MRPL42: variants seen among roughly 807,000 people sequenced by gnomAD.
The protein encoded by MRPL42 is mitochondrial ribosomal protein L42.
MRPL42 carries 17 observed loss-of-function variants against 17.9 expected under a neutral mutation model. That is an observed-to-expected ratio of 0.95 (90% CI 0.65 to 1.42). The LOEUF (loss-of-function observed/expected upper bound fraction) is 1.42. MRPL42 is among the 40% of genes most tolerant of loss of function. The probability of loss-of-function intolerance (pLI) is 0.00; values close to 1 mark genes in which losing one functional copy is unlikely to be tolerated. For missense variants in MRPL42, 177 were observed against 175.2 expected, an observed-to-expected ratio of 1.01 and a Z score of -0.06; for synonymous variants, 59 against 54.4, an observed-to-expected ratio of 1.08 and a Z score of -0.37.
chr12:93,474,776 G>T (rs1172230641), intron 2 of MRPL42, among the ~76,000 whole-genome samples: 1 of 152,008 alleles, frequency 6.6e-6, no homozygotes, highest in East Asian at 1.9e-4. Context: ...AATTAGGAAG[G>T]TCCCAGTGAT....
chr12:93,499,819 CA>C (rs1953558031), intron 5 of MRPL42, among the ~76,000 whole-genome samples: 1 of 151,860 alleles, frequency 6.6e-6, no homozygotes, highest in South Asian at 2.1e-4. Flanking sequence ...AAACCTGAAG[CA>C]AAAAAATGCT....
At chr12:93,487,253 CA>C (rs1360982428) in intron 4 of MRPL42, among the ~76,000 whole-genome samples, 1 of 152,162 alleles carries the variant, frequency 6.6e-6, no homozygotes, top group Non-Finnish European at 1.5e-5. Flanking sequence ...ATGAGCCACT[CA>C]CTGCACCTGG....
intron 5 of MRPL42, chr12:93,487,971 CTTTTT>C (rs35810496): frequency 3.3e-5 from 6 of 179,440 alleles, no homozygotes; most frequent in Non-Finnish European, 4.4e-5. Flanking sequence ...TAATTTTGTT[CTTTTT>C]TTTTTTTTTT....
chr12:93,483,582 A>G (rs532353768), intron 4 of MRPL42, among the ~76,000 whole-genome samples: 1 of 152,356 alleles, frequency 6.6e-6, no homozygotes, highest in African/African-American at 2.4e-5. Flanking sequence ...ATATACCTGT[A>G]TAGGGTACTT....
At chr12:93,476,907 T>C (rs1880207987) in intron 2 of MRPL42, 47 bp from the exon 3 acceptor site, 2 of 1,504,504 alleles carry the variant, frequency 1.3e-6, no homozygotes, top group Non-Finnish European at 1.8e-6. Context: ...ATGGAGAAAA[T>C]ATGCTCAAAT....
chr12:93,470,578 T>C lies in MRPL42; in HGVS notation c.70+1223T>C, dbSNP rs778142318. Reference sequence around the variant, plus strand: ...GAACCCGTCACCCAAATAGTGAACATAGTACCCAATAGGTAGTTTTTCAAC... The same window carrying C: ...GAACCCGTCACCCAAATAGTGAACACAGTACCCAATAGGTAGTTTTTCAAC... On this transcript the variant is annotated intron_variant, in intron 2 of 5. Transcript: ENST00000549982. 40 of 1,253,136 alleles carry C rather than the reference T, an allele frequency of 3.2e-5. No homozygotes were observed. In the African/African-American group the frequency reaches 4.8e-4, roughly 15 times the overall value. The allele number at this position is 1,253,136 out of a possible 1,614,324, so 77.6% of individuals were successfully genotyped here.
Position 93,485,005 on chromosome 12 carries a change from T to C in MRPL42, c.220-2492T>C, listed in dbSNP as rs35724198. On this transcript the variant is annotated intron_variant, in intron 4 of 5. Transcript: ENST00000549982. ...ATATATATATATATATATATATATA[T>C]ATATATATATATATATATATATAAA... Among the ~76,000 whole-genome samples, 303 of 49,488 alleles carry C rather than the reference T, an allele frequency of 6.1e-3. 12 individuals carry two copies. Among genetic ancestry groups the C allele is most frequent in the African/African-American group, 0.012 (123 of 10,284 alleles). The allele number at this position is 49,488 out of a possible 152,430, so 32.5% of individuals were successfully genotyped here.
chr12:93,478,596 A>G (rs535423283), intron 3 of MRPL42, among the ~76,000 whole-genome samples: 1 of 152,270 alleles, frequency 6.6e-6, no homozygotes, highest in South Asian at 2.1e-4. Context: ...ATAGCGATGA[A>G]ATTGGAATAG....
In MRPL42 at chr12:93,511,374, C is replaced by T. The variant is rs1054446681; in HGVS notation, c.*10153C>T. On this transcript the variant is annotated 3_prime_UTR_variant, in exon 6 of 6. Transcript: ENST00000549982. The stretch of plus-strand genomic sequence containing the variant: ...CAAATAAACGTTAATGCTTTTTAGA[C>T]ATCTTTAAGCAACTTTAGATTGCTA... 2.0e-5 allele frequency: 3 copies of T among 152,090 alleles called. No homozygotes were observed. The highest frequency in any genetic ancestry group is 7.2e-5 in the African/African-American group (3 of 41,430). The allele number at this position is 152,090 out of a possible 1,614,324, so 9.4% of individuals were successfully genotyped here. A position where few individuals can be genotyped will look rare whatever the true frequency, so the allele number is the denominator to read the frequency against.
chr12:93,474,968 C>T (rs1317127810), intron 2 of MRPL42, among the ~76,000 whole-genome samples: 1 of 152,050 alleles, frequency 6.6e-6, no homozygotes, highest in East Asian at 1.9e-4. Flanking sequence ...TGGTGGGCGC[C>T]TGTAATCTCA....
At chr12:93,481,128 C>T (rs1324097699) in intron 4 of MRPL42, among the ~76,000 whole-genome samples, 4 of 152,148 alleles carry the variant, frequency 2.6e-5, no homozygotes. Context: ...AGACTCTTAT[C>T]CCCAAATGGC....
Position 93,507,420 on chromosome 12 carries a change from TCA to T in MRPL42, c.*6200_*6201del, listed in dbSNP as rs1953682540. On this transcript the variant is annotated 3_prime_UTR_variant, in exon 6 of 6. Transcript: ENST00000549982. ...CCAACCCAGTATACCTTAGAAACTT[TCA>T]GTTTCTTTTAAGGATTTAATAACTT... The T allele has an allele frequency of 6.6e-6, 1 of 152,224 alleles. No homozygotes were observed. Among genetic ancestry groups the T allele is most frequent in the African/African-American group, 2.4e-5 (1 of 41,444 alleles). 9.4% of individuals were successfully genotyped at this position (152,224 alleles called of 1,614,324 possible).
intron 5 of MRPL42, chr12:93,488,540 G>C: frequency 2.9e-6 from 1 of 346,636 alleles, no homozygotes; most frequent in Non-Finnish European, 5.1e-6. Context: ...CATTTAATAT[G>C]TTGTTTTTGT....
intron 5 of MRPL42, among the ~76,000 whole-genome samples, chr12:93,494,932 C>CT: frequency 6.6e-6 from 1 of 151,942 alleles, no homozygotes. Context: ...ATCAGGAACT[C>CT]TAGAGATATA....
At position 93,506,260 on chromosome 12, in the gene MRPL42, C is replaced by CTTTTTTTTTTTTTTTTTT. The variant is rs58440444; in HGVS notation, c.*5044_*5061dup. On this transcript the variant is annotated 3_prime_UTR_variant, in exon 6 of 6. Transcript: ENST00000549982. ...AGTCTTCAATTCAGCAAGAATGTCT[C>CTTTTTTTTTTTTTTTTTT]TTTTTTTTTTTTTTTTTTTTTTGGG... is the stretch of plus-strand genomic sequence containing the variant. 1 of 87,860 alleles carries CTTTTTTTTTTTTTTTTTT rather than the reference C, an allele frequency of 1.1e-5. No homozygotes were observed. Among genetic ancestry groups the CTTTTTTTTTTTTTTTTTT allele is most frequent in the African/African-American group, 5.7e-5 (1 of 17,680 alleles). 5.4% of individuals were successfully genotyped at this position (87,860 alleles called of 1,614,324 possible).
At chr12:93,491,709 A>C (rs1227138641) in intron 5 of MRPL42, among the ~76,000 whole-genome samples, 6 of 152,014 alleles carry the variant, frequency 3.9e-5, no homozygotes, top group Admixed American at 3.3e-4. Context: ...GTATGATTGA[A>C]CCCATCACCC....
chr12:93,491,927 G>A (rs1308116154), intron 5 of MRPL42, among the ~76,000 whole-genome samples: 1 of 152,196 alleles, frequency 6.6e-6, no homozygotes, highest in Non-Finnish European at 1.5e-5. Context: ...CTGCATCTGT[G>A]CTGCTGCAAA....
chr12:93,485,571 A>G (rs1880704976), intron 4 of MRPL42, among the ~76,000 whole-genome samples: 1 of 152,054 alleles, frequency 6.6e-6, no homozygotes, highest in African/African-American at 2.4e-5. Context: ...ATATGTTTGA[A>G]TTGTTTCTTA....
chr12:93,471,601 A>G (rs1475702856), intron 2 of MRPL42, among the ~76,000 whole-genome samples: 1 of 152,064 alleles, frequency 6.6e-6, no homozygotes, highest in Non-Finnish European at 1.5e-5. Context: ...GCACCTGGCC[A>G]CCAAATCCTG....
Sources: gnomAD v4.1 joint callset for allele counts (sites outside exome capture counted in the v4.1 genomes callset) on GRCh38, gnomAD v4.1.1 for gene constraint, MANE v1.5 for transcripts, NCBI Gene and HGNC (gene_info 2026-07-23, HGNC 2026-07-21) for gene names.